RTN1: variants seen among roughly 807,000 people sequenced by gnomAD.
RTN1 encodes reticulon-1.
RTN1 carries 25 observed loss-of-function variants against 65.5 expected under a neutral mutation model. The observed-to-expected ratio is 0.38, with a 90% CI of 0.28 to 0.53. The LOEUF is 0.53. Among genes scored for constraint, RTN1 ranks in the 20% least tolerant of loss-of-function variants. The probability of loss-of-function intolerance (pLI) is 0.79; values close to 1 mark genes in which losing one functional copy is unlikely to be tolerated. For missense variants in RTN1, 983 were observed against 1,025.4 expected (o/e 0.96, Z 0.57); for synonymous variants, 471 against 447.6 (o/e 1.05, Z -0.66).
At chr14:59,717,609 G>A (rs1594696837) in intron 3 of RTN1, among the ~76,000 whole-genome samples, 1 of 152,206 alleles carries the variant, frequency 6.6e-6, no homozygotes, top group East Asian at 1.9e-4. Flanking sequence ...TAGTGGCATT[G>A]TGGGGTGGAG....
chr14:59,690,304 T>TC (rs1566686557), intron 3 of RTN1, among the ~76,000 whole-genome samples: 1 of 141,324 alleles, frequency 7.1e-6, no homozygotes, highest in African/African-American at 2.6e-5. Context: ...AGAGCGGAGG[T>TC]GGGGGGGGGT....
At chr14:59,819,860 C>A (rs781067023) in intron 1 of RTN1, among the ~76,000 whole-genome samples, 1 of 149,950 alleles carries the variant, frequency 6.7e-6, no homozygotes, top group Non-Finnish European at 1.5e-5. Context: ...CCAGCCGCTC[C>A]GAGTGCGGGG....
chr14:59,819,425 ACCCCCCACCCCCC>A lies in RTN1; in HGVS notation c.241+50952_241+50964del, dbSNP rs747237183. On this transcript the variant is annotated intron_variant, in intron 1 of 8. Transcript: ENST00000267484. ...TCCACACCACCACCACCCCCCCCCCACCCCCCACCCCCCCCCCCCGGCCACAGCTAGACACAGA... is the reference window on the plus strand; with the variant it reads ...TCCACACCACCACCACCCCCCCCCCACCCCCCGGCCACAGCTAGACACAGA... 6.7e-4 allele frequency among the ~76,000 whole-genome samples: 10 copies of A among 14,824 alleles called. 2 individuals are homozygous for A. Among genetic ancestry groups the A allele is most frequent in the African/African-American group, 3.2e-3 (5 of 1,576 alleles). 9.7% of individuals were successfully genotyped at this position (14,824 alleles called of 152,430 possible). A position where few individuals can be genotyped will look rare whatever the true frequency, so the allele number is the denominator to read the frequency against.
chr14:59,849,597 T>C lies in RTN1; in HGVS notation c.241+20793A>G, dbSNP rs556798058. Among the ~76,000 whole-genome samples, 1 of 152,138 alleles carries C rather than the reference T, an allele frequency of 6.6e-6. No individual in the cohort carries two copies. Among genetic ancestry groups the C allele is most frequent in the Non-Finnish European group, 1.5e-5 (1 of 68,032 alleles). ...GGCCTGACTCAGCCCACTGATTGATTTCATTCAGCTGGGGGTGAGAAAGCT... is the reference window on the plus strand; with the variant it reads ...GGCCTGACTCAGCCCACTGATTGATCTCATTCAGCTGGGGGTGAGAAAGCT... On this transcript the variant is annotated intron_variant, in intron 1 of 8. Coordinates refer to ENST00000267484, the MANE Select transcript of RTN1 (RefSeq NM_021136.3). The surrounding 1 kb of genome is among the most constrained non-coding windows in gnomAD (Gnocchi z 4.5).
chr14:59,820,002 G>A (rs1360803795), intron 1 of RTN1, among the ~76,000 whole-genome samples: 2 of 152,222 alleles, frequency 1.3e-5, no homozygotes, highest in East Asian at 1.9e-4. Flanking sequence ...ACAGTGCAGC[G>A]GTGGGCTGAA....
intron 1 of RTN1, among the ~76,000 whole-genome samples, chr14:59,831,977 A>G (rs1887132937): frequency 1.3e-5 from 2 of 152,272 alleles, no homozygotes; most frequent in South Asian, 4.1e-4. Flanking sequence ...GGCTTCGGAG[A>G]GTCACAATAC....
chr14:59,782,765 C>T (rs911787756), intron 1 of RTN1, among the ~76,000 whole-genome samples: 4 of 152,134 alleles, frequency 2.6e-5, no homozygotes, highest in Admixed American at 2.0e-4. Flanking sequence ...ATGTACTTCA[C>T]CAACATTTTT....
chr14:59,705,480 T>C (rs1173214369), intron 3 of RTN1, among the ~76,000 whole-genome samples: 2 of 152,222 alleles, frequency 1.3e-5, no homozygotes, highest in Non-Finnish European at 2.9e-5. Context: ...GCAATGATTC[T>C]TTTTATGTGC....
At chr14:59,689,281 G>C (rs1264861322) in intron 3 of RTN1, among the ~76,000 whole-genome samples, 1 of 152,144 alleles carries the variant, frequency 6.6e-6, no homozygotes, top group Non-Finnish European at 1.5e-5. Flanking sequence ...ATTTTAAAAA[G>C]TGAACAAAGT....
intron 3 of RTN1, among the ~76,000 whole-genome samples, chr14:59,714,232 T>TAAAAAAAAAA (rs66785056): frequency 7.8e-6 from 1 of 127,962 alleles, no homozygotes. Flanking sequence ...AGACTCCGTC[T>TAAAAAAAAAA]AAAAAAAAAA....
intron 1 of RTN1, among the ~76,000 whole-genome samples, chr14:59,843,641 G>A (rs557312687): frequency 5.9e-5 from 9 of 152,266 alleles, no homozygotes; most frequent in African/African-American, 1.9e-4. Context: ...AGTTTAAAAA[G>A]GAACGCACAC....
At chr14:59,713,142 T>C (rs1884459229) in intron 3 of RTN1, among the ~76,000 whole-genome samples, 1 of 152,114 alleles carries the variant, frequency 6.6e-6, no homozygotes, top group Non-Finnish European at 1.5e-5. Flanking sequence ...CAGAGTCACA[T>C]AGCTAGTAGT....
intron 3 of RTN1, among the ~76,000 whole-genome samples, chr14:59,678,875 G>A (rs574010930): frequency 2.0e-5 from 3 of 152,282 alleles, no homozygotes; most frequent in African/African-American, 7.2e-5. Flanking sequence ...AGTCAGAATG[G>A]GAAGCTGAGA....
rs1005230544 is a variant in RTN1, at chr14:59,790,562, G to A, written c.242-44081C>T. Among the ~76,000 whole-genome samples, 2 of 152,116 alleles carry A rather than the reference G, an allele frequency of 1.3e-5. No individual in the cohort carries two copies. Among genetic ancestry groups the A allele is most frequent in the African/African-American group, 4.8e-5 (2 of 41,432 alleles). On this transcript the variant is annotated intron_variant, in intron 1 of 8. Coordinates refer to ENST00000267484, the MANE Select transcript of RTN1 (RefSeq NM_021136.3). This position sits in a 1 kb window ranked among gnomAD's most constrained non-coding sequence, Gnocchi z 4.1. ...AGGGGATTTGGTTTTGTGTGTGAAA[G>A]ATGCCTGAAGAATTCATTCTCTGGC...
Position 59,727,543 on chromosome 14 carries a change from C to A in RTN1, c.1141G>T (p.Ala381Ser), listed in dbSNP as rs1884803611. The change falls in exon 3 of 9, where the codon GCC (alanine) becomes TCC (serine). Residue 381 changes from alanine (A) to serine (S), a missense_variant. Ala to Ser is a moderately conservative substitution (Grantham distance 99). Around this residue, in one of 2 missense-constraint regions of RTN1, gnomAD observed 818 missense variants for 801.8 expected, o/e 1.02. Transcript: ENST00000267484. This position sits in a 1 kb window ranked among gnomAD's most constrained non-coding sequence, Gnocchi z 4.2. ...AENPRPVGQL[A>S]DRPEVKARSG... ...CTGGCCTTGACCTCGGGCCTGTCGG[C>A]CAGCTGGCCCACCGGCCGTGGGTTC... 4 of 1,610,004 alleles carry A rather than the reference C, an allele frequency of 2.5e-6. No individual in the cohort carries two copies. Among genetic ancestry groups the A allele is most frequent in the Non-Finnish European group, 3.4e-6 (4 of 1,178,848 alleles).
At chr14:59,700,353 C>G (rs1884151982) in intron 3 of RTN1, among the ~76,000 whole-genome samples, 1 of 152,068 alleles carries the variant, frequency 6.6e-6, no homozygotes, top group South Asian at 2.1e-4. Flanking sequence ...AGCTAAGTGT[C>G]TTTCAGAAAC....
chr14:59,605,445 G>A lies in RTN1; in HGVS notation c.2035C>T (p.Leu679=), dbSNP rs756018897. 1.9e-6 allele frequency: 3 copies of A among 1,614,052 alleles called. No homozygotes were observed. The highest frequency in any genetic ancestry group is 8.5e-7 in the Non-Finnish European group (1 of 1,179,930). Residue 679 remains leucine, a synonymous_variant, in exon 5 of 9, where the codon CTG becomes TTG. Coordinates refer to ENST00000267484, the MANE Select transcript of RTN1 (RefSeq NM_021136.3). ...AGTGTGCTGTTCACGTAGAACTGCA[G>A]GCAGTCCGTGTACTTCTGAATCTGC... ...QEQIQKYTDC[L]QFYVNSTLKE...
chr14:59,686,861 C>A (rs569560854), intron 3 of RTN1, among the ~76,000 whole-genome samples: 4 of 152,208 alleles, frequency 2.6e-5, no homozygotes, highest in African/African-American at 4.8e-5. Context: ...AAGAACAGGA[C>A]ACCATTTTTA....
intron 3 of RTN1, among the ~76,000 whole-genome samples, chr14:59,648,735 A>AC (rs1341687463): frequency 7.2e-5 from 11 of 152,232 alleles, no homozygotes; most frequent in Non-Finnish European, 1.0e-4. Context: ...AAAATTCAAC[A>AC]TTCATTTATG....
Sources: gnomAD v4.1 joint callset for allele counts (sites outside exome capture counted in the v4.1 genomes callset) on GRCh38, gnomAD v4.1.1 for gene constraint, gnomAD v4.1.1 regional missense constraint, Gnocchi (gnomAD v3.1) non-coding constraint, MANE v1.5 for transcripts, NCBI Gene and HGNC (gene_info 2026-07-23, HGNC 2026-07-21) for gene names.